Variants in DIAPH2 observed in about 807,000 individuals in gnomAD.
The protein encoded by DIAPH2 is protein diaphanous homolog 2.
A neutral mutation model predicts 92.7 loss-of-function variants in DIAPH2; 35 were observed. That is an observed-to-expected ratio of 0.38 (90% confidence interval 0.29 to 0.50). The LOEUF is 0.50. DIAPH2 is among the 20% of genes least tolerant of loss of function. DIAPH2 has a pLI of 0.94. For synonymous variants in DIAPH2, 301 were observed against 280.4 expected, an observed-to-expected ratio of 1.07 and a Z score of -0.73; for missense variants, 701 against 819.5, an observed-to-expected ratio of 0.86 and a Z score of 1.77.
chrX:97,440,464 C>T (rs2070242404), intron 26 of DIAPH2, among the ~76,000 whole-genome samples: 1 of 109,480 alleles, frequency 9.1e-6, no homozygotes, highest in Non-Finnish European at 1.9e-5. Context: ...TGGTGGCAGA[C>T]ACCTGTAATC....
intron 17 of DIAPH2, among the ~76,000 whole-genome samples, chrX:96,975,033 TTAA>T (rs1220913244): frequency 1.8e-5 from 2 of 111,545 alleles, no homozygotes; most frequent in Admixed American, 9.6e-5. Flanking sequence ...TTTAGCTTCT[TTAA>T]TAATATATTT....
At chrX:97,567,869 T>C (rs1056324411) in intron 26 of DIAPH2, among the ~76,000 whole-genome samples, 1 of 109,985 alleles carries the variant, frequency 9.1e-6, no homozygotes, top group Non-Finnish European at 1.9e-5. Flanking sequence ...TAAGAGTGGT[T>C]GGAGGGAGGC....
intron 4 of DIAPH2, among the ~76,000 whole-genome samples, chrX:96,858,984 C>A (rs2065056521): frequency 8.9e-6 from 1 of 111,916 alleles, no homozygotes; most frequent in Non-Finnish European, 1.9e-5. Flanking sequence ...CCTGGAGTCA[C>A]ATGTATTTGT....
At chrX:96,771,915 G>A (rs762900793) in intron 4 of DIAPH2, among the ~76,000 whole-genome samples, 1 of 110,412 alleles carries the variant, frequency 9.1e-6, no homozygotes, top group African/African-American at 3.3e-5. Flanking sequence ...GCACACTCCT[G>A]TAGTCCAATC....
chrX:97,227,495 G>C (rs1324733424), intron 22 of DIAPH2, among the ~76,000 whole-genome samples: 2 of 111,493 alleles, frequency 1.8e-5, no homozygotes, highest in Admixed American at 1.9e-4. Context: ...CCATTGAGAA[G>C]TACAAAATGT....
At chrX:96,846,765 G>GTT (rs35260797) in intron 4 of DIAPH2, among the ~76,000 whole-genome samples, 291 of 94,519 alleles carry the variant, frequency 3.1e-3, no homozygotes, top group East Asian at 0.02. Flanking sequence ...GTACAAAATA[G>GTT]TTTTTTTTTT....
At chrX:97,364,938 T>C (rs1223996792) in intron 24 of DIAPH2, among the ~76,000 whole-genome samples, 1 of 110,918 alleles carries the variant, frequency 9.0e-6, no homozygotes, top group East Asian at 2.8e-4. Context: ...TTATTTTCTG[T>C]TGGATGCCTC....
At chrX:97,347,518 C>T (rs190191319) in intron 23 of DIAPH2, among the ~76,000 whole-genome samples, 7 of 110,603 alleles carry the variant, frequency 6.3e-5, no homozygotes, top group African/African-American at 9.8e-5. Flanking sequence ...TATATGAGGC[C>T]GTTTTCTGGT....
chrX:97,103,695 A>G (rs1337904414), intron 20 of DIAPH2, among the ~76,000 whole-genome samples: 2 of 111,968 alleles, frequency 1.8e-5, no homozygotes, highest in Non-Finnish European at 3.8e-5. Context: ...GGATGTTTCT[A>G]GAGTGTATCT....
intron 21 of DIAPH2, among the ~76,000 whole-genome samples, chrX:97,129,081 T>C (rs966767815): frequency 2.2e-5 from 2 of 92,958 alleles, no homozygotes; most frequent in Admixed American, 1.1e-4. Context: ...TTTCAAAGTG[T>C]CTATACCATC....
intron 17 of DIAPH2, among the ~76,000 whole-genome samples, chrX:97,054,840 G>A (rs182469793): frequency 6.8e-4 from 75 of 110,773 alleles, no homozygotes; most frequent in African/African-American, 1.5e-3. Context: ...AGTAATGAAT[G>A]TGTAGAAGAA....
In DIAPH2 at chrX:96,884,726, GC is replaced by G; in HGVS notation, c.587+3010del. ...CTCAAATGTCCCACGGGAACAAAGA[GC>G]CTTGAGGTATTGAAAATTCATGTCC... is the stretch of plus-strand genomic sequence containing the variant. On this transcript the variant is annotated intron_variant, in intron 5 of 26. Coordinates refer to ENST00000324765, the MANE Select transcript of DIAPH2 (RefSeq NM_006729.5). 3 of 1,210,700 alleles carry G rather than the reference GC, an allele frequency of 2.5e-6. No individual in the cohort carries two copies. The South Asian group carries it at 5.3e-5, about 21-fold the overall frequency.
At chrX:97,034,487 A>G (rs1388662285) in intron 17 of DIAPH2, among the ~76,000 whole-genome samples, 2 of 108,303 alleles carry the variant, frequency 1.8e-5, no homozygotes, top group Non-Finnish European at 3.8e-5. Context: ...TTTCCTTGGG[A>G]TTGTACAGAA....
rs567485108 is a variant in DIAPH2 at position 97,147,513 on chromosome X, G to C, written c.2719+5719G>C. On this transcript the variant is annotated intron_variant, in intron 22 of 26. Coordinates refer to ENST00000324765, the MANE Select transcript of DIAPH2 (RefSeq NM_006729.5). ...CTATCACTTTAATTTTCAGCTTTAA[G>C]GATTTTTTACTGTTTGATTTAAAAC... Among the ~76,000 whole-genome samples, 370 of 110,458 alleles carry C rather than the reference G, an allele frequency of 3.3e-3. 1 individual carries two copies. Among genetic ancestry groups the C allele is most frequent in the Non-Finnish European group, 5.9e-3 (309 of 52,781 alleles).
At chrX:96,850,839 T>G (rs2065002039) in intron 4 of DIAPH2, among the ~76,000 whole-genome samples, 1 of 112,225 alleles carries the variant, frequency 8.9e-6, no homozygotes, top group Non-Finnish European at 1.9e-5. Flanking sequence ...CATACTGATT[T>G]TATACGTTTA....
intron 10 of DIAPH2, among the ~76,000 whole-genome samples, chrX:96,934,898 G>C (rs771418010): frequency 9.0e-6 from 1 of 111,534 alleles, no homozygotes; most frequent in African/African-American, 3.2e-5. Flanking sequence ...GGTGTTGGTA[G>C]GCAGTGGGCA....
intron 25 of DIAPH2, among the ~76,000 whole-genome samples, chrX:97,414,295 A>G (rs1049873484): frequency 9.0e-6 from 1 of 111,594 alleles, no homozygotes; most frequent in East Asian, 2.8e-4. Context: ...CAGTAACAAG[A>G]AATGGGGAAA....
At chrX:96,906,129 A>G (rs2065432405) in intron 5 of DIAPH2, among the ~76,000 whole-genome samples, 1 of 112,420 alleles carries the variant, frequency 8.9e-6, no homozygotes, top group African/African-American at 3.2e-5. Flanking sequence ...TCCGTCTCAA[A>G]AAACAAAAAA....
chrX:97,107,748 C>T (rs1251206406), intron 20 of DIAPH2, among the ~76,000 whole-genome samples: 1 of 111,725 alleles, frequency 9.0e-6, no homozygotes, highest in Non-Finnish European at 1.9e-5. Flanking sequence ...AAAAGAGTAA[C>T]TATTTGGAAA....
Sources: allele counts gnomAD v4.1 joint callset (sites outside exome capture counted in the v4.1 genomes callset), GRCh38; gene constraint gnomAD v4.1.1; transcripts MANE v1.5; gene names NCBI Gene and HGNC (gene_info 2026-07-23, HGNC 2026-07-21).